Variants in INPP4B observed in about 807,000 individuals in gnomAD.
INPP4B encodes the protein inositol polyphosphate 4-phosphatase type II.
Under a neutral mutation model 122.5 loss-of-function variants are expected in INPP4B, and 55 were observed. That is an observed-to-expected ratio of 0.45 (90% CI 0.36 to 0.56). The LOEUF is 0.56. INPP4B is among the 20% of genes least tolerant of loss of function. INPP4B has a pLI of 0.00. For missense variants in INPP4B, 1,000 were observed against 1,097.7 expected (o/e 0.91, Z 1.26); for synonymous variants, 403 against 388.7 (o/e 1.04, Z -0.43).
intron 25 of INPP4B, among the ~76,000 whole-genome samples, chr4:142,070,583 A>G (rs936575952): frequency 6.6e-6 from 1 of 152,204 alleles, no homozygotes; most frequent in Non-Finnish European, 1.5e-5. Flanking sequence ...TATATTTAGA[A>G]AACCCCATCG....
chr4:142,322,614 T>G (rs1166906144), intron 7 of INPP4B, among the ~76,000 whole-genome samples: 2 of 152,198 alleles, frequency 1.3e-5, no homozygotes, highest in Admixed American at 6.5e-5. Flanking sequence ...GGGTAAATAT[T>G]AATTCTTTTG....
At position 142,683,516 on chromosome 4, in the gene INPP4B, C is replaced by T. The variant is rs183290048; in HGVS notation, c.-191+42323G>A. On this transcript the variant is annotated intron_variant, in intron 2 of 25. Coordinates refer to ENST00000262992, the MANE Select transcript of INPP4B (RefSeq NM_001101669.3). The stretch of plus-strand genomic sequence containing the variant: ...TGTAGGAGAGAAAAATGCTATCTAC[C>T]GCTTGGAAGCTAGCAGGACTAGTTT... Among the ~76,000 whole-genome samples, 12 of 151,812 alleles carry T rather than the reference C, an allele frequency of 7.9e-5. No individual in the cohort carries two copies. In the East Asian group the frequency reaches 8.0e-4, roughly 10 times the overall value.
At chr4:142,544,056 C>G (rs913479057) in intron 2 of INPP4B, among the ~76,000 whole-genome samples, 2 of 151,082 alleles carry the variant, frequency 1.3e-5, no homozygotes, top group African/African-American at 4.9e-5. Flanking sequence ...CTGAGCTACA[C>G]AACTAAAACC....
chr4:142,420,682 A>G (rs1330219351), intron 5 of INPP4B, among the ~76,000 whole-genome samples: 3 of 152,134 alleles, frequency 2.0e-5, no homozygotes, highest in Non-Finnish European at 4.4e-5. Context: ...TAAAATCCAG[A>G]TTGCTCTACA....
intron 2 of INPP4B, among the ~76,000 whole-genome samples, chr4:142,686,918 G>A (rs999261483): frequency 7.2e-5 from 11 of 151,994 alleles, no homozygotes; most frequent in African/African-American, 2.7e-4. Context: ...TGGAGATAGG[G>A]GATAGAGAAC....
intron 2 of INPP4B, among the ~76,000 whole-genome samples, chr4:142,562,661 T>C (rs1730716089): frequency 6.6e-6 from 1 of 151,658 alleles, no homozygotes; most frequent in African/African-American, 2.4e-5. Flanking sequence ...CATTTTGTGT[T>C]AAAGAAAACA....
chr4:142,259,724 A>G (rs2636644), intron 11 of INPP4B, among the ~76,000 whole-genome samples: 3,007 of 152,068 alleles, frequency 0.02, 51 homozygotes, highest in Middle Eastern at 0.034. Flanking sequence ...CAGCTATACA[A>G]AAGTATTTTT....
At chr4:142,415,695 C>G (rs182635921) in intron 5 of INPP4B, among the ~76,000 whole-genome samples, 1 of 152,124 alleles carries the variant, frequency 6.6e-6, no homozygotes, top group Non-Finnish European at 1.5e-5. Flanking sequence ...TATAAAGACA[C>G]GTGCACACGT....
chr4:142,190,062 T>TCAGATGACAGTATTTTATTGTCATA (rs1835043370), intron 15 of INPP4B, among the ~76,000 whole-genome samples: 1 of 152,194 alleles, frequency 6.6e-6, no homozygotes, highest in African/African-American at 2.4e-5. Flanking sequence ...AATTATATCT[T>TCAGATGACAGTATTTTATTGTCATA]TTCTCAGATG....
chr4:142,626,210 A>T (rs565624305), intron 2 of INPP4B, among the ~76,000 whole-genome samples: 1 of 151,630 alleles, frequency 6.6e-6, no homozygotes, highest in East Asian at 2.0e-4. Context: ...TACAAAATTC[A>T]CTCCTTTTGA....
intron 7 of INPP4B, among the ~76,000 whole-genome samples, chr4:142,386,174 C>T (rs1245077572): frequency 6.6e-6 from 1 of 152,008 alleles, no homozygotes; most frequent in Non-Finnish European, 1.5e-5. Flanking sequence ...TAATGTCTTC[C>T]AGGTTCATCC....
At chr4:142,500,788 A>G (rs1823263360) in intron 2 of INPP4B, among the ~76,000 whole-genome samples, 2 of 152,150 alleles carry the variant, frequency 1.3e-5, no homozygotes, top group Non-Finnish European at 2.9e-5. Flanking sequence ...AGAAGGACAA[A>G]TACTGCATGA....
At chr4:142,299,831 A>G (rs918194750) in intron 9 of INPP4B, among the ~76,000 whole-genome samples, 3 of 151,834 alleles carry the variant, frequency 2.0e-5, no homozygotes, top group Admixed American at 6.6e-5. Flanking sequence ...GAAGACTATT[A>G]AAAGAGAAAG....
intron 18 of INPP4B, among the ~76,000 whole-genome samples, chr4:142,126,901 A>G (rs575728427): frequency 4.6e-5 from 7 of 152,234 alleles, no homozygotes; most frequent in African/African-American, 7.2e-5. Flanking sequence ...GTTGTTCTCA[A>G]TATGAATGGG....
chr4:142,104,961 C>T (rs143785577), intron 23 of INPP4B, among the ~76,000 whole-genome samples: 5 of 151,978 alleles, frequency 3.3e-5, no homozygotes, highest in African/African-American at 1.2e-4. Context: ...TCTGCCAACA[C>T]AGAACACACA....
At chr4:142,746,146 T>A (rs1229996273) in intron 1 of INPP4B, among the ~76,000 whole-genome samples, 5 of 151,922 alleles carry the variant, frequency 3.3e-5, no homozygotes, top group Non-Finnish European at 7.4e-5. Flanking sequence ...ACACACATTC[T>A]CTTTAAAAAC....
intron 1 of INPP4B, among the ~76,000 whole-genome samples, chr4:142,822,288 G>A (rs1780881570): frequency 6.6e-6 from 1 of 152,186 alleles, no homozygotes; most frequent in South Asian, 2.1e-4. Context: ...CAGGAGGTAA[G>A]AGCTAAGATG....
intron 2 of INPP4B, among the ~76,000 whole-genome samples, chr4:142,513,240 A>G (rs1338755701): frequency 6.6e-6 from 1 of 152,172 alleles, no homozygotes; most frequent in East Asian, 1.9e-4. Flanking sequence ...TTACCAGAAT[A>G]CCATATACTG....
At chr4:142,315,782 C>G (rs1767381517) in intron 7 of INPP4B, among the ~76,000 whole-genome samples, 1 of 151,548 alleles carries the variant, frequency 6.6e-6, no homozygotes, top group African/African-American at 2.4e-5. Flanking sequence ...CACATCCTGT[C>G]TACTTGGAGA....
Sources: gnomAD v4.1 joint callset for allele counts (sites outside exome capture counted in the v4.1 genomes callset) on GRCh38, gnomAD v4.1.1 for gene constraint, MANE v1.5 for transcripts, NCBI Gene and HGNC (gene_info 2026-07-23, HGNC 2026-07-21) for gene names.